Variants in NAV1 observed in about 807,000 individuals in gnomAD.
NAV1 encodes the protein pore membrane and/or filament interacting like protein 3.
Under a neutral mutation model 175.2 loss-of-function variants are expected in NAV1, and 18 were observed. That is an observed-to-expected ratio of 0.10 (90% CI 0.07 to 0.15). The LOEUF (loss-of-function observed/expected upper bound fraction) is 0.15. Among genes scored for constraint, NAV1 ranks in the 10% least tolerant of loss-of-function variants. The pLI is 1.00. For missense variants in NAV1, 1,731 were observed against 2,436.6 expected (o/e 0.71, Z 6.10); for synonymous variants, 897 against 978.7 (o/e 0.92, Z 1.56).
intron 1 of NAV1, among the ~76,000 whole-genome samples, chr1:201,557,322 G>C (rs1026893372): frequency 6.6e-6 from 1 of 152,170 alleles, no homozygotes; most frequent in Non-Finnish European, 1.5e-5. Context: ...AGGGTTGGGG[G>C]ATGTGCTTGT....
intron 21 of NAV1, 50 bp from the exon 26 acceptor site, chr1:201,809,392 G>A (rs770130543): frequency 7.5e-6 from 12 of 1,601,314 alleles, no homozygotes; most frequent in Non-Finnish European, 9.4e-6. Flanking sequence ...CCCGGTTCAT[G>A]GAGTCATCTG....
chr1:201,639,785 C>T (rs1195438144), intron 2 of NAV1, among the ~76,000 whole-genome samples: 1 of 152,218 alleles, frequency 6.6e-6, no homozygotes, highest in Non-Finnish European at 1.5e-5. Flanking sequence ...CCGTCCCCAT[C>T]CCAGCTTGGG....
chr1:201,753,453 A>T (rs1469474414), intron 3 of NAV1, among the ~76,000 whole-genome samples: 1 of 152,178 alleles, frequency 6.6e-6, no homozygotes, highest in Non-Finnish European at 1.5e-5. Context: ...TCTGCGATTG[A>T]AGAGTGGTTA....
intron 1 of NAV1, among the ~76,000 whole-genome samples, chr1:201,580,533 G>C (rs572313232): frequency 6.6e-6 from 1 of 152,226 alleles, no homozygotes; most frequent in Non-Finnish European, 1.5e-5. Context: ...ACCACTTTGG[G>C]AGGCTGAGGC....
At chr1:201,625,016 T>G (rs1207554949) in intron 1 of NAV1, among the ~76,000 whole-genome samples, 2 of 152,050 alleles carry the variant, frequency 1.3e-5, no homozygotes, top group Non-Finnish European at 1.5e-5. Context: ...GCCTTTGGAG[T>G]TCAGGACAAG....
intron 15 of NAV1, chr1:201,797,485 GT>G (rs1322528582): frequency 5.9e-5 from 9 of 152,266 alleles, no homozygotes; most frequent in Admixed American, 5.2e-4. Flanking sequence ...TTTCAAGGTT[GT>G]TTTGGCTACT....
At chr1:201,752,769 A>C (rs893705289) in intron 3 of NAV1, among the ~76,000 whole-genome samples, 17 of 152,176 alleles carry the variant, frequency 1.1e-4, no homozygotes, top group African/African-American at 3.9e-4. Flanking sequence ...ATCATTTCTA[A>C]GGACTGTGTT....
chr1:201,782,286 C>T lies in NAV1; in HGVS notation c.1774C>T (p.Pro592Ser). The T allele has an allele frequency of 1.9e-6, 3 of 1,614,172 alleles. No individual in the cohort carries two copies. Among genetic ancestry groups the T allele is most frequent in the Non-Finnish European group, 1.7e-6 (2 of 1,180,012 alleles). ...GGACCGCCTGAGTGATGCTAAGAAG[C>T]CCCCCTCGGGCATTGCTCGCCCCTC... The change falls in exon 6 of 30, where the codon CCC becomes TCC. Residue 592 changes from proline (P) to serine (S), a missense_variant. Physicochemically the swap from Pro to Ser is moderately conservative, Grantham distance 74. Transcript: ENST00000367296. The surrounding 1 kb of genome is among the most constrained non-coding windows in gnomAD (Gnocchi z 5.4).
At chr1:201,632,725 T>G (rs923151659) in intron 2 of NAV1, among the ~76,000 whole-genome samples, 2 of 152,198 alleles carry the variant, frequency 1.3e-5, no homozygotes, top group Non-Finnish European at 2.9e-5. Flanking sequence ...CAGAGCCTCC[T>G]CCCTGCCTCC....
chr1:201,607,123 T>C (rs950691968), intron 2 of NAV1, among the ~76,000 whole-genome samples: 4 of 128,326 alleles, frequency 3.1e-5, no homozygotes, highest in Non-Finnish European at 3.5e-5. Context: ...TTCTTTTTTT[T>C]TTTTTTTTTT....
chr1:201,813,232 C>A lies in NAV1; in HGVS notation c.5314C>A (p.Gln1772Lys). Residue 1772 changes from glutamine to lysine, a missense_variant, in exon 28 of 30, where the codon CAG becomes AAG. By Grantham distance (53) the Gln-to-Lys change is moderately conservative. Around this residue, in one of 13 missense-constraint regions of NAV1, gnomAD observed 30 missense variants for 97.3 expected, o/e 0.31. Transcript: ENST00000367296. This position sits in a 1 kb window ranked among gnomAD's most constrained non-coding sequence, Gnocchi z 4.2. ...GAACAACTCTATCATTCCCTATCTACAGGAAGGAGCCAAGGATGGGATAAA... is the reference window on the plus strand; with the variant it reads ...GAACAACTCTATCATTCCCTATCTAAAGGAAGGAGCCAAGGATGGGATAAA... 6.8e-6 allele frequency: 11 copies of A among 1,613,786 alleles called. No individual in the cohort carries two copies. Among genetic ancestry groups the A allele is most frequent in the Non-Finnish European group, 9.3e-6 (11 of 1,179,684 alleles).
chr1:201,803,804 C>A, intron 16 of NAV1, 90 bp downstream of exon 20: 1 of 1,501,634 alleles, frequency 6.7e-7, no homozygotes, highest in Non-Finnish European at 9.0e-7. Flanking sequence ...CCAGGATTAA[C>A]CAAGGTGTAG....
intron 1 of NAV1, among the ~76,000 whole-genome samples, chr1:201,586,165 A>G (rs1405062867): frequency 2.0e-5 from 3 of 152,162 alleles, no homozygotes; most frequent in African/African-American, 4.8e-5. Context: ...ATGCTACAAC[A>G]TGGGTGAACC....
upstream of NAV1, among the ~76,000 whole-genome samples, chr1:201,622,538 C>T (rs907841925): frequency 1.3e-5 from 2 of 152,124 alleles, no homozygotes; most frequent in Non-Finnish European, 2.9e-5. Flanking sequence ...AGTCTGTCCC[C>T]AATCAGTGAA....
chr1:201,730,840 C>T (rs1672826253), intron 3 of NAV1, among the ~76,000 whole-genome samples: 1 of 152,184 alleles, frequency 6.6e-6, no homozygotes, highest in Non-Finnish European at 1.5e-5. Flanking sequence ...GGCCTCTGGG[C>T]TATCAGATGT....
intron 3 of NAV1, chr1:201,737,355 G>C (rs1015842603): frequency 5.3e-5 from 8 of 152,236 alleles, no homozygotes; most frequent in African/African-American, 1.9e-4. Flanking sequence ...ACTTATAGCA[G>C]GAAACTTGCC....
intron 2 of NAV1, among the ~76,000 whole-genome samples, chr1:201,638,567 G>A (rs114693818): frequency 0.015 from 2,275 of 152,292 alleles, 42 homozygotes; most frequent in African/African-American, 0.051. Flanking sequence ...TCCTGCTGTG[G>A]GGTTCTATAT....
chr1:201,768,333 G>GAAAAA (rs57027212), intron 3 of NAV1, among the ~76,000 whole-genome samples: 1 of 105,672 alleles, frequency 9.5e-6, no homozygotes, highest in African/African-American at 4.0e-5. Flanking sequence ...CCGTCTCAGA[G>GAAAAA]AAAAAAAAAA....
At position 201,788,369 on chromosome 1, in the gene NAV1, C is replaced by G; in HGVS notation, c.2996-99C>G. 1 of 1,297,500 alleles carries G rather than the reference C, an allele frequency of 7.7e-7. No homozygotes were observed. Among genetic ancestry groups the G allele is most frequent in the South Asian group, 1.2e-5 (1 of 81,954 alleles). The allele number at this position is 1,297,500 out of a possible 1,614,324, so 80.4% of individuals were successfully genotyped here. On this transcript the variant is annotated intron_variant, in intron 9 of 29. Transcript: ENST00000367296. The surrounding 1 kb of genome is among the most constrained non-coding windows in gnomAD (Gnocchi z 5.7). ...CTCTCCCCATTTGCCTCTCATGCTC[C>G]CGGTGCTCCATCCCCCAAGGGCCCG...
Sources: allele counts gnomAD v4.1 joint callset (sites outside exome capture counted in the v4.1 genomes callset), GRCh38; gene constraint gnomAD v4.1.1; regional missense constraint gnomAD v4.1.1; non-coding constraint Gnocchi (gnomAD v3.1); transcripts MANE v1.5; gene names NCBI Gene and HGNC (gene_info 2026-07-23, HGNC 2026-07-21).